Variants in HACD4 observed in about 807,000 individuals in gnomAD.
The protein encoded by HACD4 is very-long-chain (3R)-3-hydroxyacyl-CoA dehydratase 4.
Under a neutral mutation model 33.3 loss-of-function variants are expected in HACD4, and 35 were observed. The ratio of observed to expected loss-of-function variants is 1.05; its 90% CI spans 0.80 to 1.39. The LOEUF (loss-of-function observed/expected upper bound fraction) is 1.39, where lower values mean the gene tolerates loss of function less well. Ranked by LOEUF, HACD4 falls within the 40% of genes most tolerant of loss-of-function variation. The pLI is 0.00. For missense variants in HACD4, 323 were observed against 276.5 expected, an observed-to-expected ratio of 1.17 and a Z score of -1.19; for synonymous variants, 118 against 98.0, an observed-to-expected ratio of 1.20 and a Z score of -1.21.
rs1449127643 is a variant in HACD4 at position 21,002,413 on chromosome 9, T to C, written c.*4624A>G. ...GAAGAAAATTCTGACATATACAAAA[T>C]GGAGGAAACTTGCAGACATTATGCT... On this transcript the variant is annotated 3_prime_UTR_variant, in exon 7 of 7. Transcript: ENST00000495827. The C allele has an allele frequency of 1.3e-5, 2 of 152,028 alleles. No individual in the cohort carries two copies. The highest frequency in any genetic ancestry group is 2.9e-5 in the Non-Finnish European group (2 of 67,952). 9.4% of individuals were successfully genotyped at this position (152,028 alleles called of 1,614,324 possible).
chr9:21,021,698 A>G (rs1817917369), intron 3 of HACD4, among the ~76,000 whole-genome samples: 1 of 152,136 alleles, frequency 6.6e-6, no homozygotes, highest in Non-Finnish European at 1.5e-5. Flanking sequence ...CTTCAAGGAG[A>G]ACTACAAACC....
chr9:21,012,753 C>A (rs2132774786), intron 4 of HACD4, among the ~76,000 whole-genome samples: 1 of 152,202 alleles, frequency 6.6e-6, no homozygotes, highest in South Asian at 2.1e-4. Flanking sequence ...AGTGGGTAAG[C>A]ATGTTTTCAT....
In HACD4 at chr9:21,010,456, A is replaced by ACCCC. The variant is rs57375934; in HGVS notation, c.490+1129_490+1132dup. Among the ~76,000 whole-genome samples the ACCCC allele has an allele frequency of 2.9e-4, 30 of 104,940 alleles. 2 individuals carry two copies. Among genetic ancestry groups the ACCCC allele is most frequent in the Non-Finnish European group, 4.4e-4 (23 of 51,934 alleles). The allele number at this position is 104,940 out of a possible 152,430, so 68.8% of individuals were successfully genotyped here. On this transcript the variant is annotated intron_variant, in intron 5 of 6. Transcript: ENST00000495827. ...AAGAAACAGACTCAGACATCCTGGTACCCCCCCCCCCCCCAGAGCTTACAG... is the reference window on the plus strand; with the variant it reads ...AAGAAACAGACTCAGACATCCTGGTACCCCCCCCCCCCCCCCCCAGAGCTTACAG...
At position 21,005,027 on chromosome 9, in the gene HACD4, G is replaced by A. The variant is rs997414634; in HGVS notation, c.*2010C>T. ...CCATGAAGATAATGTTGGTAGACAT[G>A]GACAATAAAGGCCATTCTGATGAAG... On this transcript the variant is annotated 3_prime_UTR_variant, in exon 7 of 7. Coordinates refer to ENST00000495827, the MANE Select transcript of HACD4 (RefSeq NM_001010915.5). This position sits in a 1 kb window ranked among gnomAD's most constrained non-coding sequence, Gnocchi z 4.0. 1.3e-4 allele frequency: 20 copies of A among 152,130 alleles called. No homozygotes were observed. The highest frequency in any genetic ancestry group is 4.1e-4 in the African/African-American group (17 of 41,444). 9.4% of individuals were successfully genotyped at this position (152,130 alleles called of 1,614,324 possible).
Position 21,015,941 on chromosome 9 carries a change from C to A in HACD4, c.340G>T (p.Val114Leu). 2 of 1,613,144 alleles carry A rather than the reference C, an allele frequency of 1.2e-6. No homozygotes were observed. The highest frequency in any genetic ancestry group is 1.7e-6 in the Non-Finnish European group (2 of 1,179,290). Reference protein sequence around the residue: ...SQEEVQEKYVVCVLFVFWNLL... With the variant: ...SQEEVQEKYVLCVLFVFWNLL... ...TTCCAAAAGACGAATAAAACACACA[C>A]CACATATTTCTCTTGGACTTCCTCT... The change falls in exon 4 of 7, where the codon GTG becomes TTG. Residue 114 changes from valine to leucine, a missense_variant. Val to Leu is a conservative substitution (Grantham distance 32, BLOSUM62 1). Coordinates refer to ENST00000495827, the MANE Select transcript of HACD4 (RefSeq NM_001010915.5).
chr9:21,028,018 C>T (rs1266468920), intron 2 of HACD4, among the ~76,000 whole-genome samples: 1 of 151,422 alleles, frequency 6.6e-6, no homozygotes, highest in Non-Finnish European at 1.5e-5. Flanking sequence ...ACCTGTAATC[C>T]CAGCTACTCA....
rs1818070633 is a variant in HACD4 at position 21,026,695 on chromosome 9, A to C, written c.171T>G (p.Ile57Met). 1.2e-6 allele frequency: 2 copies of C among 1,613,648 alleles called. No individual in the cohort carries two copies. Among genetic ancestry groups the C allele is most frequent in the Admixed American group, 3.3e-5 (2 of 60,002 alleles). The change falls in exon 3 of 7, where the codon ATT becomes ATG. Residue 57 changes from isoleucine to methionine, a missense_variant. Physicochemically the swap from Ile to Met is conservative, Grantham distance 10. Transcript: ENST00000495827. ...ATTGGCAAAGTCGCATCACAAGTCC[A>C]ATAGCATAAAAAGTGTCAACCATTG... The part of the protein sequence containing the change: ...KDSMVDTFYA[I>M]GLVMRLCQSV...
chr9:21,026,798 G>C, intron 2 of HACD4, 75 bp from the exon 3 acceptor site: 3 of 1,228,260 alleles, frequency 2.4e-6, no homozygotes, highest in South Asian at 1.3e-5. Context: ...GCAGCACTTT[G>C]AAGTCAAATG....
chr9:21,008,436 C>T (rs1031381661), intron 5 of HACD4, among the ~76,000 whole-genome samples: 1 of 152,090 alleles, frequency 6.6e-6, no homozygotes, highest in African/African-American at 2.4e-5. Flanking sequence ...TACATTTGTC[C>T]ACCTAGCCAC....
chr9:21,026,822 TC>T (rs1818074619), intron 2 of HACD4, 99 bp from the exon 3 acceptor site: 4 of 927,450 alleles, frequency 4.3e-6, no homozygotes, highest in Non-Finnish European at 6.7e-6. Context: ...ATTATTCACT[TC>T]CTTTTTCATT....
In HACD4 at chr9:21,005,153, G is replaced by A. The variant is rs1233262432; in HGVS notation, c.*1884C>T. 1.3e-5 allele frequency: 2 copies of A among 152,186 alleles called. No individual in the cohort carries two copies. The highest frequency in any genetic ancestry group is 2.9e-5 in the Non-Finnish European group (2 of 68,034). The allele number at this position is 152,186 out of a possible 1,614,324, so 9.4% of individuals were successfully genotyped here. On this transcript the variant is annotated 3_prime_UTR_variant, in exon 7 of 7. Transcript: ENST00000495827. The surrounding 1 kb of genome is among the most constrained non-coding windows in gnomAD (Gnocchi z 4.0). ...TGGATGATTGTGTTCATGTTCTAGT[G>A]TTTTGTGGAAAGTAAAATTGTGAGC...
rs576242582 is a variant in HACD4 at position 21,018,719 on chromosome 9, G to T, written c.271-2709C>A. 2.0e-5 allele frequency among the ~76,000 whole-genome samples: 3 copies of T among 152,212 alleles called. No individual in the cohort carries two copies. The South Asian group carries it at 6.2e-4, about 32-fold the overall frequency. On this transcript the variant is annotated intron_variant, in intron 3 of 6. Transcript: ENST00000495827. ...ACAACTCAAACAGGTAGAGTAAAAG[G>T]TATAGTAAATATCCTACAACTTGGG...
At chr9:21,020,451 A>G (rs563371629) in intron 3 of HACD4, among the ~76,000 whole-genome samples, 34 of 152,262 alleles carry the variant, frequency 2.2e-4, no homozygotes, top group Admixed American at 9.8e-4. Context: ...TCTCCTCCTC[A>G]GGCTTCTGTA....
chr9:21,029,431 C>T (rs771976272), intron 1 of HACD4, 33 bp from the exon 2 acceptor site: 4 of 1,297,052 alleles, frequency 3.1e-6, no homozygotes, highest in Admixed American at 3.9e-5. Context: ...TTAAACACTT[C>T]TTTTATAATC....
intron 4 of HACD4, among the ~76,000 whole-genome samples, chr9:21,012,457 CA>C (rs1403614315): frequency 6.6e-6 from 1 of 152,212 alleles, no homozygotes; most frequent in Non-Finnish European, 1.5e-5. Context: ...ACAATAAATA[CA>C]TATGGCAAAA....
In HACD4 at chr9:21,029,335, T is replaced by C. The variant is rs762690210; in HGVS notation, c.102A>G (p.Ile34Met). The change falls in exon 2 of 7, where the codon ATA (isoleucine) becomes ATG (methionine). Residue 34 changes from isoleucine to methionine, a missense_variant. By Grantham distance (10) the Ile-to-Met change is conservative. Coordinates refer to ENST00000495827, the MANE Select transcript of HACD4 (RefSeq NM_001010915.5). ...AGAATCTGACTGTCATATTTGTAAA[T>C]ATCCAAGAGTGGCCACAGAACTGGA... ...YLIQFCGHSW[I>M]FTNMTVRFFS... 2.5e-6 allele frequency: 4 copies of C among 1,599,722 alleles called. No homozygotes were observed. The East Asian group carries it at 8.9e-5, about 36-fold the overall frequency.
At chr9:21,025,436 G>A (rs1280656634) in intron 3 of HACD4, among the ~76,000 whole-genome samples, 3 of 152,002 alleles carry the variant, frequency 2.0e-5, no homozygotes, top group Non-Finnish European at 4.4e-5. Context: ...CTAGGTGCTG[G>A]CAACACCATA....
At position 21,003,511 on chromosome 9, in the gene HACD4, T is replaced by A. The variant is rs560180929; in HGVS notation, c.*3526A>T. On this transcript the variant is annotated 3_prime_UTR_variant, in exon 7 of 7. Coordinates refer to ENST00000495827, the MANE Select transcript of HACD4 (RefSeq NM_001010915.5). ...CTATAAAAGCAGAAAAAATGTAGCTTTTTAAAAGGATAATTTTTTAAAATC... is the reference window on the plus strand; with the variant it reads ...CTATAAAAGCAGAAAAAATGTAGCTATTTAAAAGGATAATTTTTTAAAATC... 2.6e-5 allele frequency: 4 copies of A among 152,236 alleles called. No homozygotes were observed. Among genetic ancestry groups the A allele is most frequent in the Non-Finnish European group, 1.5e-5 (1 of 67,986 alleles). 9.4% of individuals were successfully genotyped at this position (152,236 alleles called of 1,614,324 possible). A position where few individuals can be genotyped will look rare whatever the true frequency, so the allele number is the denominator to read the frequency against.
chr9:21,024,994 C>T (rs1384937697), intron 3 of HACD4, among the ~76,000 whole-genome samples: 1 of 152,122 alleles, frequency 6.6e-6, no homozygotes, highest in African/African-American at 2.4e-5. Flanking sequence ...AAGTACACCA[C>T]ATTGTAAATA....
Sources: gnomAD v4.1 joint callset for allele counts (sites outside exome capture counted in the v4.1 genomes callset) on GRCh38, gnomAD v4.1.1 for gene constraint, Gnocchi (gnomAD v3.1) non-coding constraint, MANE v1.5 for transcripts, NCBI Gene and HGNC (gene_info 2026-07-23, HGNC 2026-07-21) for gene names.